XPO5: variants seen among roughly 807,000 people sequenced by gnomAD.
XPO5 encodes the protein exportin-5.
In XPO5, 46 loss-of-function variants were observed where a neutral mutation model predicts 160.6. The observed-to-expected ratio is 0.29, with a 90% CI of 0.23 to 0.37. The LOEUF is 0.37. XPO5 is among the 10% of genes least tolerant of loss of function. The probability of loss-of-function intolerance (pLI) is 1.00; values close to 1 mark genes in which losing one functional copy is unlikely to be tolerated. For missense variants in XPO5, 1,090 were observed against 1,463.9 expected, an observed-to-expected ratio of 0.74 and a Z score of 4.17; for synonymous variants, 537 against 519.3, an observed-to-expected ratio of 1.03 and a Z score of -0.46.
intron 13 of XPO5, 70 bp downstream of exon 13, chr6:43,555,766 C>A: frequency 6.3e-7 from 1 of 1,589,078 alleles, no homozygotes; most frequent in Non-Finnish European, 8.6e-7. Context: ...ATAGCTCAGG[C>A]TCATTTCCTA....
chr6:43,557,203 G>A (rs991540921), intron 12 of XPO5, among the ~76,000 whole-genome samples: 1 of 151,562 alleles, frequency 6.6e-6, no homozygotes, highest in Non-Finnish European at 1.5e-5. Context: ...GAGGCGGGTG[G>A]ATCACGAGGT....
chr6:43,574,478 T>C (rs1763188320), intron 1 of XPO5, among the ~76,000 whole-genome samples: 1 of 150,808 alleles, frequency 6.6e-6, no homozygotes, highest in Admixed American at 6.6e-5. Context: ...CACTCTATTT[T>C]ATGTGTATAT....
rs1186424177 is a variant in XPO5, at chr6:43,570,626, G to A, written c.497C>T (p.Thr166Ile). Reference protein sequence around the residue: ...ILLRLAEDVVTFQTLPPQRRR... With the variant: ...ILLRLAEDVVIFQTLPPQRRR... ...TCTTTGAGGGGGAAGTGTCTGAAAA[G>A]TCACTACATCCTCTGCCAGTCGCAA... The change falls in exon 5 of 32, where the codon ACT (threonine) becomes ATT (isoleucine). Residue 166 changes from threonine to isoleucine, a missense_variant. Coordinates refer to ENST00000265351, the MANE Select transcript of XPO5 (RefSeq NM_020750.3). 4 of 1,613,818 alleles carry A rather than the reference G, an allele frequency of 2.5e-6. No homozygotes were observed. Among genetic ancestry groups the A allele is most frequent in the Non-Finnish European group, 3.4e-6 (4 of 1,179,818 alleles).
chr6:43,525,693 G>T (rs919298438), intron 28 of XPO5, 146 bp downstream of exon 28: 5 of 849,108 alleles, frequency 5.9e-6, no homozygotes, highest in African/African-American at 3.4e-5. Flanking sequence ...TTTTCCCTCG[G>T]TTTTTTCTGG....
chr6:43,526,841 A>C (rs1793625398), intron 26 of XPO5, 94 bp from the exon 27 acceptor site: 5 of 1,316,944 alleles, frequency 3.8e-6, no homozygotes, highest in Non-Finnish European at 5.4e-6. Context: ...GTCTCTGGCC[A>C]GGTGAGGAAG....
intron 19 of XPO5, chr6:43,547,187 G>C (rs1795005442): frequency 2.8e-6 from 1 of 353,880 alleles, no homozygotes; most frequent in African/African-American, 2.1e-5. Flanking sequence ...TAATTAATGG[G>C]ACTTGTGCCA....
At chr6:43,537,214 C>T (rs1408880304) in intron 20 of XPO5, among the ~76,000 whole-genome samples, 1 of 151,674 alleles carries the variant, frequency 6.6e-6, no homozygotes, top group Admixed American at 6.6e-5. Flanking sequence ...CCAAGAGATC[C>T]TCCTGCCCTG....
intron 20 of XPO5, chr6:43,539,664 G>C (rs1582212805): frequency 1.3e-5 from 14 of 1,085,016 alleles, no homozygotes; most frequent in Non-Finnish European, 1.7e-5. Context: ...GGGCCACCAG[G>C]GCCTCCAGGC....
intron 12 of XPO5, among the ~76,000 whole-genome samples, chr6:43,556,636 T>C (rs1204573425): frequency 2.6e-5 from 4 of 152,104 alleles, no homozygotes; most frequent in African/African-American, 9.7e-5. Context: ...AAACTTGCAA[T>C]TGCCATATTA....
intron 3 of XPO5, 27 bp from the exon 4 acceptor site, chr6:43,571,021 G>A (rs373651280): frequency 6.3e-7 from 1 of 1,598,512 alleles, no homozygotes; most frequent in Admixed American, 1.8e-5. Context: ...GATATTAAGA[G>A]ATATGCAAGA....
intron 20 of XPO5, among the ~76,000 whole-genome samples, chr6:43,540,795 T>C (rs1007214998): frequency 1.3e-5 from 2 of 152,204 alleles, no homozygotes; most frequent in African/African-American, 4.8e-5. Context: ...TCTTAAGCTT[T>C]TGAATTTACT....
intron 20 of XPO5, among the ~76,000 whole-genome samples, chr6:43,541,877 G>A (rs558705479): frequency 3.3e-5 from 5 of 152,116 alleles, no homozygotes; most frequent in Admixed American, 6.6e-5. Flanking sequence ...TCCTGGGTTC[G>A]AGTGATTCTC....
At chr6:43,545,538 C>A (rs908061934) in intron 20 of XPO5, among the ~76,000 whole-genome samples, 1 of 152,058 alleles carries the variant, frequency 6.6e-6, no homozygotes, top group African/African-American at 2.4e-5. Context: ...GAAGCCCTGT[C>A]TCTACTAAAA....
intron 25 of XPO5, among the ~76,000 whole-genome samples, 198 bp downstream of exon 25, chr6:43,527,960 GC>G: frequency 6.6e-6 from 1 of 152,310 alleles, no homozygotes; most frequent in South Asian, 2.1e-4. Context: ...GGTAACAGTA[GC>G]CCCTATGAAG....
chr6:43,566,062 G>GC (rs1240973777), intron 7 of XPO5, among the ~76,000 whole-genome samples: 1 of 152,114 alleles, frequency 6.6e-6, no homozygotes, highest in Non-Finnish European at 1.5e-5. Flanking sequence ...TTCGAGACCA[G>GC]CCTGGTCAAC....
intron 10 of XPO5, 115 bp from the exon 11 acceptor site, chr6:43,560,418 G>A: frequency 7.7e-7 from 1 of 1,300,394 alleles, no homozygotes; most frequent in Non-Finnish European, 1.0e-6. Context: ...ACAATACTTT[G>A]AAGCTGTCTC....
chr6:43,549,661 CAG>C (rs772777561), intron 16 of XPO5, 83 bp from the exon 17 acceptor site: 23 of 1,470,024 alleles, frequency 1.6e-5, no homozygotes, highest in South Asian at 3.8e-5. Flanking sequence ...ATATCTCAGT[CAG>C]GGGCAAATTC....
At chr6:43,539,425 G>C (rs1794557908) in intron 20 of XPO5, 1 of 1,565,216 alleles carries the variant, frequency 6.4e-7, no homozygotes, top group Non-Finnish European at 8.7e-7. Context: ...AAAAGTCAAT[G>C]ATCTCTGATT....
At position 43,570,942 on chromosome 6, in the gene XPO5, C is replaced by T. The variant is rs1762978862; in HGVS notation, c.353G>A (p.Arg118Gln). The T allele has an allele frequency of 2.5e-6, 4 of 1,613,688 alleles. No individual in the cohort carries two copies. The highest frequency in any genetic ancestry group is 3.4e-6 in the Non-Finnish European group (4 of 1,179,814). ...EENHIKDALS[R>Q]IVVEMIKREW... ...TCGCTTGATCATTTCCACTACAATT[C>T]GAGACAGAGCATCTTTAATATGGTT... The change falls in exon 4 of 32, where the codon CGA becomes CAA. Residue 118 changes from arginine (R) to glutamine (Q), a missense_variant. This residue lies in a region of XPO5 where 170 missense variants were observed against 227.0 expected (regional missense o/e 0.75). Coordinates refer to ENST00000265351, the MANE Select transcript of XPO5 (RefSeq NM_020750.3).
Sources: allele counts gnomAD v4.1 joint callset (sites outside exome capture counted in the v4.1 genomes callset), GRCh38; gene constraint gnomAD v4.1.1; regional missense constraint gnomAD v4.1.1; transcripts MANE v1.5; gene names NCBI Gene and HGNC (gene_info 2026-07-23, HGNC 2026-07-21).